The following UBAP2L variants were observed in gnomAD, a reference collection of about 807,000 sequenced individuals.
UBAP2L encodes ubiquitin associated protein 2 like.
In UBAP2L, 12 loss-of-function variants were observed where a neutral mutation model predicts 130.6. The ratio of observed to expected loss-of-function variants is 0.09; its 90% CI spans 0.06 to 0.15. The LOEUF (loss-of-function observed/expected upper bound fraction) is 0.15, where lower values mean the gene tolerates loss of function less well. Ranked by LOEUF, UBAP2L falls within the 10% of genes least tolerant of loss-of-function variation. The pLI, the probability that UBAP2L is intolerant of heterozygous loss-of-function variation, is 1.00. For synonymous variants in UBAP2L, 503 were observed against 524.7 expected (o/e 0.96, Z 0.57); for missense variants, 965 against 1,332.5 (o/e 0.72, Z 4.29).
chr1:154,231,147 TAA>T lies in UBAP2L; in HGVS notation c.279+2423_279+2424del, dbSNP rs541332993. ...GGTAATCTTTTTAAAACAAATGAATTAAGAGATGGGGTCTTGCCCTGTCACCC... is the reference window on the plus strand; with the variant it reads ...GGTAATCTTTTTAAAACAAATGAATTGAGATGGGGTCTTGCCCTGTCACCC... On this transcript the variant is annotated intron_variant, in intron 4 of 26. Coordinates refer to ENST00000428931, the MANE Select transcript of UBAP2L (RefSeq NM_014847.4). 2.0e-5 allele frequency among the ~76,000 whole-genome samples: 3 copies of T among 151,994 alleles called. No homozygotes were observed. The South Asian group carries it at 6.2e-4, about 32-fold the overall frequency.
intron 9 of UBAP2L, among the ~76,000 whole-genome samples, chr1:154,242,105 G>C (rs963663097): frequency 3.9e-5 from 6 of 152,186 alleles, no homozygotes; most frequent in Non-Finnish European, 7.4e-5. Flanking sequence ...CTGCCAGCTT[G>C]ACTTAACTTG....
chr1:154,228,314 A>G (rs1571607980), intron 3 of UBAP2L, among the ~76,000 whole-genome samples: 2 of 151,794 alleles, frequency 1.3e-5, no homozygotes, highest in Admixed American at 6.6e-5. Context: ...CAGCCTCCCA[A>G]GTAGCTAGGA....
chr1:154,264,343 C>T (rs1222601585), intron 24 of UBAP2L, among the ~76,000 whole-genome samples: 2 of 152,156 alleles, frequency 1.3e-5, no homozygotes, highest in East Asian at 1.9e-4. Context: ...CTGCTGCCCA[C>T]GTGATTCTGG....
intron 10 of UBAP2L, 95 bp from the exon 11 acceptor site, chr1:154,246,109 C>A: frequency 7.3e-7 from 1 of 1,363,064 alleles, no homozygotes. Flanking sequence ...GAAGCCCCAG[C>A]AAGTGGCTTC....
intron 25 of UBAP2L, among the ~76,000 whole-genome samples, chr1:154,268,227 T>G (rs1478616612): frequency 6.6e-6 from 1 of 151,642 alleles, no homozygotes; most frequent in African/African-American, 2.4e-5. Flanking sequence ...AGTCTCCCTC[T>G]GTCTCCCAGG....
rs138149437 is a variant in UBAP2L at position 154,261,584 on chromosome 1, C to T, written c.2797-8C>T. ...AGTCACTGCAAATCTGGCCTTTTTG[C>T]TCTTTAGGTGGCTCCTACCTCTTCC... On this transcript the variant is annotated splice_polypyrimidine_tract_variant and splice_region_variant and intron_variant, in intron 23 of 26. Transcript: ENST00000428931. 2.5e-6 allele frequency: 4 copies of T among 1,613,978 alleles called. No individual in the cohort carries two copies. In the African/African-American group the frequency reaches 5.3e-5, roughly 22 times the overall value.
chr1:154,235,409 G>C (rs942165306), intron 6 of UBAP2L, 118 bp downstream of exon 6: 1 of 600,310 alleles, frequency 1.7e-6, no homozygotes, highest in African/African-American at 1.9e-5. Context: ...CCGGAGTGCA[G>C]TGGCACAGTC....
upstream of UBAP2L, chr1:154,220,597 G>A: frequency 1.6e-6 from 1 of 617,802 alleles, no homozygotes; most frequent in South Asian, 1.9e-5. Flanking sequence ...GGAGAACGAC[G>A]CCTTCCAGCT....
intron 15 of UBAP2L, 53 bp from the exon 16 acceptor site, chr1:154,254,783 A>G (rs1679052753): frequency 3.2e-6 from 5 of 1,571,354 alleles, no homozygotes; most frequent in Non-Finnish European, 4.3e-6. Context: ...AACTTTCCTC[A>G]TTCACATGAG....
chr1:154,269,367 A>G, intron 26 of UBAP2L: 2 of 1,321,578 alleles, frequency 1.5e-6, no homozygotes, highest in Non-Finnish European at 2.0e-6. Context: ...CTCAGCTACC[A>G]TATTTGCAGA....
intron 14 of UBAP2L, among the ~76,000 whole-genome samples, chr1:154,251,920 T>A (rs953073174): frequency 2.0e-4 from 30 of 152,134 alleles, no homozygotes; most frequent in African/African-American, 7.2e-4. Flanking sequence ...GAGGATTGCT[T>A]GAGGCCAGGA....
chr1:154,239,033 G>T (rs767711365), intron 8 of UBAP2L, among the ~76,000 whole-genome samples: 1 of 151,278 alleles, frequency 6.6e-6, no homozygotes, highest in African/African-American at 2.4e-5. Flanking sequence ...GAGCCACCAC[G>T]CCTGGTCGTT....
rs141405066 is a variant in UBAP2L at position 154,255,695 on chromosome 1, G to A, written c.2097G>A (p.Thr699=). The change falls in exon 18 of 27, where the codon ACG becomes ACA. Residue 699 remains threonine, a synonymous_variant. Transcript: ENST00000428931. ...TTTTTTCTGACAGCACGTTATCTAC[G>A]CAGCAGAATACCCTTTCATCATCAA... is the stretch of plus-strand genomic sequence containing the variant. ...TTTQHSSTLS[T]QQNTLSSSTS... 94 of 1,613,970 alleles carry A rather than the reference G, an allele frequency of 5.8e-5. No homozygotes were observed. Among genetic ancestry groups the A allele is most frequent in the African/African-American group, 3.1e-4 (23 of 74,902 alleles).
At chr1:154,225,249 G>A (rs768978649) in intron 2 of UBAP2L, 36 bp downstream of exon 2, 2 of 1,600,070 alleles carry the variant, frequency 1.2e-6, no homozygotes, top group Admixed American at 1.7e-5. Flanking sequence ...CATGGATAGC[G>A]TTGCCTGCTG....
intron 7 of UBAP2L, 149 bp downstream of exon 7, chr1:154,236,760 T>TAAAGAAAGAATGA: frequency 1.3e-6 from 1 of 775,032 alleles, no homozygotes; most frequent in Non-Finnish European, 2.1e-6. Flanking sequence ...CTTTACCACC[T>TAAAGAAAGAATGA]GGATCATTAC....
chr1:154,261,569 A>T (rs1394100192), intron 23 of UBAP2L, 23 bp from the exon 24 acceptor site: 1 of 1,612,242 alleles, frequency 6.2e-7, no homozygotes, highest in Non-Finnish European at 8.5e-7. Flanking sequence ...AGTCACTGCA[A>T]ATCTGGCCTT....
chr1:154,264,040 C>G (rs1417989261), intron 24 of UBAP2L, among the ~76,000 whole-genome samples: 2 of 152,082 alleles, frequency 1.3e-5, no homozygotes, highest in Non-Finnish European at 1.5e-5. Flanking sequence ...CGTGGATTAC[C>G]AGTTTTGCAT....
rs1456558718 is a variant in UBAP2L, at chr1:154,234,057, GCT to G, written c.280-532_280-531del. On this transcript the variant is annotated intron_variant, in intron 4 of 26. Coordinates refer to ENST00000428931, the MANE Select transcript of UBAP2L (RefSeq NM_014847.4). The stretch of plus-strand genomic sequence containing the variant: ...AAAGACTTTATGGCTGGGCTTGGTG[GCT>G]CACGTCTGTAATCCCAGCACTTTGG... Among the ~76,000 whole-genome samples, 5 of 152,116 alleles carry G rather than the reference GCT, an allele frequency of 3.3e-5. No homozygotes were observed. In the East Asian group the frequency reaches 9.7e-4, roughly 29 times the overall value.
At position 154,243,461 on chromosome 1, in the gene UBAP2L, C is replaced by CT. The variant is rs754656452; in HGVS notation, c.842+170dup. Among the ~76,000 whole-genome samples, 1,333 of 147,606 alleles carry CT rather than the reference C, an allele frequency of 9.0e-3. 13 individuals are homozygous for CT. The highest frequency in any genetic ancestry group is 0.015 in the Non-Finnish European group (1,007 of 66,472). ...TCCTCTTAAGTTGATGGAGAGACTT[C>CT]TTTTTTTTTTTGTTTTTGAGACAGA... On this transcript the variant is annotated intron_variant, in intron 10 of 26. Transcript: ENST00000428931.
Sources: gnomAD v4.1 joint callset for allele counts (sites outside exome capture counted in the v4.1 genomes callset) on GRCh38, gnomAD v4.1.1 for gene constraint, MANE v1.5 for transcripts, NCBI Gene and HGNC (gene_info 2026-07-23, HGNC 2026-07-21) for gene names.